Variants in NPSR1 observed in about 807,000 individuals in gnomAD.
NPSR1 encodes the protein neuropeptide S receptor.
In NPSR1, 48 loss-of-function variants were observed where a neutral mutation model predicts 46.9. The ratio of observed to expected loss-of-function variants is 1.02; its 90% confidence interval spans 0.81 to 1.30. The LOEUF (loss-of-function observed/expected upper bound fraction) is 1.30. Ranked by LOEUF, NPSR1 falls within the 50% of genes most tolerant of loss-of-function variation. The pLI is 0.00. For synonymous variants in NPSR1, 176 were observed against 168.1 expected, an observed-to-expected ratio of 1.05 and a Z score of -0.36; for missense variants, 450 against 449.5, an observed-to-expected ratio of 1.00 and a Z score of -0.01.
chr7:34,809,202 G>A (rs957636599), intron 3 of NPSR1, among the ~76,000 whole-genome samples: 1 of 151,972 alleles, frequency 6.6e-6, no homozygotes, highest in African/African-American at 2.4e-5. Context: ...TGGATCACAG[G>A]TAGAAACCCC....
At chr7:34,752,932 T>G (rs552355754) in intron 2 of NPSR1, among the ~76,000 whole-genome samples, 1 of 152,180 alleles carries the variant, frequency 6.6e-6, no homozygotes, top group Non-Finnish European at 1.5e-5. Context: ...CAATCATCCC[T>G]CTTTTGGACA....
chr7:34,799,533 AC>A (rs200907757), intron 3 of NPSR1, among the ~76,000 whole-genome samples: 10,992 of 150,770 alleles, frequency 0.073, 488 homozygotes, highest in East Asian at 0.12. Flanking sequence ...TTTTGTCACC[AC>A]CAGGCCTGCC....
chr7:34,701,231 G>A (rs1793814229), intron 2 of NPSR1, among the ~76,000 whole-genome samples: 1 of 152,180 alleles, frequency 6.6e-6, no homozygotes, highest in African/African-American at 2.4e-5. Context: ...TCGGAACTCA[G>A]CTGCCTAAAA....
At chr7:34,697,909 C>T (rs1230068602) in intron 2 of NPSR1, among the ~76,000 whole-genome samples, 2 of 151,904 alleles carry the variant, frequency 1.3e-5, no homozygotes, top group African/African-American at 4.8e-5. Context: ...ACTAAATATT[C>T]CCATTAAAAT....
At chr7:34,661,731 C>T (rs1379927) in intron 1 of NPSR1, among the ~76,000 whole-genome samples, 42,857 of 152,062 alleles carry the variant, frequency 0.28, 7,661 homozygotes, top group African/African-American at 0.51. Flanking sequence ...ACTAACCCTA[C>T]GTGGTCTTGG....
rs192843955 is a variant in NPSR1, at chr7:34,762,301, G to A, written c.281-16161G>A. On this transcript the variant is annotated intron_variant, in intron 2 of 8. Transcript: ENST00000360581. ...ACTTCCCCAGGATTAATAAAGAGCC[G>A]GGGAGTTGACAGTTTAGACCATTAG... 2.2e-4 allele frequency among the ~76,000 whole-genome samples: 33 copies of A among 152,204 alleles called. No homozygotes were observed. In the East Asian group the frequency reaches 4.8e-3, roughly 22 times the overall value.
At chr7:34,687,277 A>C (rs1234320795) in intron 2 of NPSR1, among the ~76,000 whole-genome samples, 1 of 152,200 alleles carries the variant, frequency 6.6e-6, no homozygotes, top group Non-Finnish European at 1.5e-5. Flanking sequence ...TCATGGCTAA[A>C]AATAAATTAT....
At chr7:34,767,330 T>A (rs1207844219) in intron 2 of NPSR1, among the ~76,000 whole-genome samples, 4 of 152,184 alleles carry the variant, frequency 2.6e-5, no homozygotes, top group African/African-American at 9.7e-5. Flanking sequence ...TTCTCCCTAC[T>A]AAATAACCAT....
intron 3 of NPSR1, among the ~76,000 whole-genome samples, chr7:34,792,571 A>ATG (rs1323576369): frequency 8.3e-5 from 6 of 72,628 alleles, no homozygotes; most frequent in East Asian, 6.8e-4. Flanking sequence ...ATATATATAT[A>ATG]TGTGTGTGTG....
intron 1 of NPSR1, among the ~76,000 whole-genome samples, chr7:34,684,171 G>A (rs530670412): frequency 6.6e-6 from 1 of 152,222 alleles, no homozygotes; most frequent in East Asian, 1.9e-4. Flanking sequence ...TCACTGAATT[G>A]AAGTGCTTTA....
chr7:34,764,608 C>A (rs1316932629), intron 2 of NPSR1, among the ~76,000 whole-genome samples: 1 of 152,090 alleles, frequency 6.6e-6, no homozygotes, highest in African/African-American at 2.4e-5. Context: ...TAGACACTTC[C>A]CCAAACAAAA....
At chr7:34,696,078 T>TTA (rs1246926117) in intron 2 of NPSR1, among the ~76,000 whole-genome samples, 3 of 113,890 alleles carry the variant, frequency 2.6e-5, no homozygotes, top group Non-Finnish European at 3.7e-5. Flanking sequence ...GTTGATTTGA[T>TTA]AAAAAAAAAA....
At chr7:34,818,610 A>G (rs1374945208) in intron 4 of NPSR1, among the ~76,000 whole-genome samples, 2 of 152,232 alleles carry the variant, frequency 1.3e-5, no homozygotes, top group Non-Finnish European at 1.5e-5. Context: ...TGCATTGCCA[A>G]GACAATCCTA....
intron 1 of NPSR1, among the ~76,000 whole-genome samples, chr7:34,668,399 G>A (rs1430875741): frequency 1.3e-5 from 2 of 152,134 alleles, no homozygotes; most frequent in Non-Finnish European, 2.9e-5. Flanking sequence ...CCCTTTTCAG[G>A]ATTTTTGGTC....
chr7:34,831,873 A>G (rs935288807), intron 5 of NPSR1, among the ~76,000 whole-genome samples: 1 of 152,316 alleles, frequency 6.6e-6, no homozygotes, highest in East Asian at 1.9e-4. Context: ...GAAAAAGCAC[A>G]TTAGTCATGG....
intron 3 of NPSR1, among the ~76,000 whole-genome samples, chr7:34,792,516 C>CACAT (rs1554331403): frequency 1.4e-5 from 2 of 143,724 alleles, no homozygotes; most frequent in African/African-American, 2.6e-5. Flanking sequence ...CACACACACA[C>CACAT]ATATATATAT....
At chr7:34,697,563 C>T (rs2128693748) in intron 2 of NPSR1, among the ~76,000 whole-genome samples, 1 of 151,962 alleles carries the variant, frequency 6.6e-6, no homozygotes, top group South Asian at 2.1e-4. Flanking sequence ...TACATACACC[C>T]TCCTGTATAC....
chr7:34,703,074 G>C (rs10081225), intron 2 of NPSR1, among the ~76,000 whole-genome samples: 1 of 152,042 alleles, frequency 6.6e-6, no homozygotes, highest in Non-Finnish European at 1.5e-5. Context: ...TTATCAAAAG[G>C]AGCGGCCAGG....
rs545713691 is a variant in NPSR1, at chr7:34,732,807, A to G, written c.281-45655A>G. Among the ~76,000 whole-genome samples, 7 of 152,326 alleles carry G rather than the reference A, an allele frequency of 4.6e-5. No individual in the cohort carries two copies. The East Asian group carries it at 1.4e-3, about 29-fold the overall frequency. Reference sequence around the variant, plus strand: ...CAACTAGACTTCTGTTCAGGTATTTATCAGCACATATGCATGCTCACTCAC... The same window carrying G: ...CAACTAGACTTCTGTTCAGGTATTTGTCAGCACATATGCATGCTCACTCAC... On this transcript the variant is annotated intron_variant, in intron 2 of 8. Coordinates refer to ENST00000360581, the MANE Select transcript of NPSR1 (RefSeq NM_207172.2).
Sources: gnomAD v4.1 joint callset for allele counts (sites outside exome capture counted in the v4.1 genomes callset) on GRCh38, gnomAD v4.1.1 for gene constraint, MANE v1.5 for transcripts, NCBI Gene and HGNC (gene_info 2026-07-23, HGNC 2026-07-21) for gene names.